Variants in SEL1L observed in about 807,000 individuals in gnomAD.
SEL1L encodes the protein protein sel-1 homolog 1.
SEL1L carries 52 observed loss-of-function variants against 109.8 expected under a neutral mutation model. The observed-to-expected ratio is 0.47, with a 90% CI of 0.38 to 0.60. SEL1L has a LOEUF of 0.60. Ranked by LOEUF, SEL1L falls within the 20% of genes least tolerant of loss-of-function variation. The probability of loss-of-function intolerance (pLI) is 0.00; values close to 1 mark genes in which losing one functional copy is unlikely to be tolerated. For synonymous variants in SEL1L, 373 were observed against 339.6 expected (o/e 1.10, Z -1.08); for missense variants, 749 against 962.2 (o/e 0.78, Z 2.93).
At chr14:81,503,124 C>T (rs1306541430) in intron 5 of SEL1L, among the ~76,000 whole-genome samples, 1 of 152,100 alleles carries the variant, frequency 6.6e-6, no homozygotes, top group Non-Finnish European at 1.5e-5. Flanking sequence ...TCCCAAGTAG[C>T]TGAGATTACA....
At position 81,499,780 on chromosome 14, in the gene SEL1L, G is replaced by T. The variant is rs1321848487; in HGVS notation, c.778-118C>A. 2.4e-5 allele frequency: 16 copies of T among 667,922 alleles called. No homozygotes were observed. The East Asian group carries it at 4.4e-4, about 18-fold the overall frequency. The allele number at this position is 667,922 out of a possible 1,614,324, so 41.4% of individuals were successfully genotyped here. On this transcript the variant is annotated intron_variant, in intron 6 of 20. Coordinates refer to ENST00000336735, the MANE Select transcript of SEL1L (RefSeq NM_005065.6). ...ATGCAAGAGTCTTTAAATGCTAAAA[G>T]ATTTGAATTCAAGTATGTACAAACA...
At position 81,505,936 on chromosome 14, in the gene SEL1L, C is replaced by T. The variant is rs1884220824; in HGVS notation, c.508+138G>A. ...ACCAAGTTTCCCACTCTTAAGTCCA[C>T]TCTTTAAGGCTGTAATGACATCAGC... is the stretch of plus-strand genomic sequence containing the variant. On this transcript the variant is annotated intron_variant, in intron 4 of 20. Transcript: ENST00000336735. The T allele has an allele frequency of 4.1e-6, 3 of 728,152 alleles. No individual in the cohort carries two copies. The South Asian group carries it at 8.1e-5, about 20-fold the overall frequency. The allele number at this position is 728,152 out of a possible 1,614,324, so 45.1% of individuals were successfully genotyped here.
In SEL1L at chr14:81,508,731, T is replaced by C. The variant is rs146147804; in HGVS notation, c.341-2490A>G. 3.1e-3 allele frequency among the ~76,000 whole-genome samples: 468 copies of C among 152,314 alleles called. 2 individuals carry two copies. In the Middle Eastern group the frequency reaches 0.037, roughly 12 times the overall value. On this transcript the variant is annotated intron_variant, in intron 3 of 20. Coordinates refer to ENST00000336735, the MANE Select transcript of SEL1L (RefSeq NM_005065.6). ...TCTGTAGAACTGCAGTTTGTAAACC[T>C]GAATTTCAAATTAAATAGCAAATGA...
chr14:81,492,825 C>T (rs1883599851), intron 11 of SEL1L, among the ~76,000 whole-genome samples: 2 of 152,178 alleles, frequency 1.3e-5, no homozygotes, highest in African/African-American at 4.8e-5. Flanking sequence ...CAACAAGCCT[C>T]CTGTTACTTA....
chr14:81,511,203 A>G (rs148181141), intron 3 of SEL1L, among the ~76,000 whole-genome samples: 51 of 152,350 alleles, frequency 3.3e-4, no homozygotes, highest in Non-Finnish European at 6.2e-4. Flanking sequence ...ATTAAAATGT[A>G]TTTTTCAGAA....
intron 3 of SEL1L, among the ~76,000 whole-genome samples, chr14:81,518,930 T>G (rs1884809230): frequency 6.6e-6 from 1 of 152,130 alleles, no homozygotes; most frequent in Non-Finnish European, 1.5e-5. Context: ...AGACATAAAC[T>G]TCTCTCTTTG....
chr14:81,530,400 G>C (rs941899878), intron 1 of SEL1L, among the ~76,000 whole-genome samples: 9 of 152,088 alleles, frequency 5.9e-5, no homozygotes, highest in African/African-American at 2.2e-4. Flanking sequence ...TGTCAAAAGG[G>C]GTAACACCTC....
intron 3 of SEL1L, among the ~76,000 whole-genome samples, chr14:81,515,930 C>T (rs1884682520): frequency 1.3e-5 from 2 of 152,138 alleles, no homozygotes; most frequent in African/African-American, 4.8e-5. Context: ...AGTCATGGCC[C>T]TCCAGACAAA....
At chr14:81,492,604 T>C in intron 11 of SEL1L, 56 bp from the exon 12 acceptor site, 1 of 1,165,978 alleles carries the variant, frequency 8.6e-7, no homozygotes, top group Non-Finnish European at 1.2e-6. Flanking sequence ...TGCTTTTGAC[T>C]TTCAGCCAAA....
chr14:81,480,435 C>T (rs938663690), intron 19 of SEL1L, among the ~76,000 whole-genome samples: 2 of 152,162 alleles, frequency 1.3e-5, no homozygotes, highest in South Asian at 2.1e-4. Flanking sequence ...GTAATCCGCC[C>T]GCCTCAGCCT....
intron 3 of SEL1L, among the ~76,000 whole-genome samples, chr14:81,513,068 T>C (rs1419528228): frequency 6.6e-6 from 1 of 152,176 alleles, no homozygotes; most frequent in African/African-American, 2.4e-5. Context: ...GCACTCTGTG[T>C]CTAGCTGAAA....
intron 9 of SEL1L, 81 bp from the exon 10 acceptor site, chr14:81,498,127 C>A: frequency 7.1e-7 from 1 of 1,412,456 alleles, no homozygotes; most frequent in Non-Finnish European, 9.6e-7. Context: ...ATTCCAGCTG[C>A]CAAACGTTGA....
At chr14:81,520,428 G>A (rs1237632872) in intron 3 of SEL1L, among the ~76,000 whole-genome samples, 1 of 152,048 alleles carries the variant, frequency 6.6e-6, no homozygotes, top group African/African-American at 2.4e-5. Context: ...TAGTGGTAAG[G>A]GCCACTGTTA....
At chr14:81,504,330 T>C (rs372504820) in intron 4 of SEL1L, 24 bp from the exon 5 acceptor site, 35 of 1,488,426 alleles carry the variant, frequency 2.4e-5, no homozygotes, top group Admixed American at 4.0e-5. Context: ...GTCAGATGCA[T>C]TTAAATGGAT....
At chr14:81,498,273 T>C in intron 9 of SEL1L, 140 bp downstream of exon 9, 1 of 834,592 alleles carries the variant, frequency 1.2e-6, no homozygotes, top group Non-Finnish European at 1.8e-6. Flanking sequence ...AAAGTACTTC[T>C]GAACCTCAAC....
In SEL1L at chr14:81,477,188, G is replaced by T; in HGVS notation, c.2176-7C>A. The stretch of plus-strand genomic sequence containing the variant: ...GGGTGAACATATCTCGAATCTTAAT[G>T]AAAATAATATAGAAACCATTATTAT... On this transcript the variant is annotated splice_region_variant and splice_polypyrimidine_tract_variant and intron_variant, in intron 20 of 20. Coordinates refer to ENST00000336735, the MANE Select transcript of SEL1L (RefSeq NM_005065.6). 1 of 1,609,220 alleles carries T rather than the reference G, an allele frequency of 6.2e-7. No individual in the cohort carries two copies. Among genetic ancestry groups the T allele is most frequent in the Non-Finnish European group, 8.5e-7 (1 of 1,175,710 alleles).
chr14:81,519,815 G>A (rs1220817563), intron 3 of SEL1L, among the ~76,000 whole-genome samples: 3 of 152,188 alleles, frequency 2.0e-5, no homozygotes, highest in Non-Finnish European at 4.4e-5. Context: ...GAATGAGGAA[G>A]GCATCCTAAA....
At chr14:81,487,706 G>T in intron 15 of SEL1L, 149 bp downstream of exon 15, 1 of 1,495,068 alleles carries the variant, frequency 6.7e-7, no homozygotes, top group Non-Finnish European at 8.9e-7. Flanking sequence ...AATTTACAAT[G>T]AAAAACAAGA....
chr14:81,505,053 C>A (rs1884182186), intron 4 of SEL1L, among the ~76,000 whole-genome samples: 1 of 152,100 alleles, frequency 6.6e-6, no homozygotes, highest in South Asian at 2.1e-4. Flanking sequence ...TGGACTAACA[C>A]AATATGCCAA....
Sources: gnomAD v4.1 joint callset for allele counts (sites outside exome capture counted in the v4.1 genomes callset) on GRCh38, gnomAD v4.1.1 for gene constraint, MANE v1.5 for transcripts, NCBI Gene and HGNC (gene_info 2026-07-23, HGNC 2026-07-21) for gene names.